PISD: variants seen among roughly 807,000 people sequenced by gnomAD.
PISD encodes the protein phosphatidylserine decarboxylase, also known as phosphatidylserine decarboxylase proenzyme, mitochondrial.
A neutral mutation model predicts 43.5 loss-of-function variants in PISD; 31 were observed. That is an observed-to-expected ratio of 0.71 (90% CI 0.54 to 0.96). The LOEUF (loss-of-function observed/expected upper bound fraction) is 0.96. Ranked by LOEUF, PISD falls within the 40% of genes least tolerant of loss-of-function variation. PISD has a pLI of 0.00. For missense variants in PISD, 523 were observed against 548.4 expected (o/e 0.95, Z 0.46); for synonymous variants, 259 against 228.7 (o/e 1.13, Z -1.20).
At chr22:31,658,184 C>G (rs1221530109) in intron 1 of PISD, among the ~76,000 whole-genome samples, 1 of 152,170 alleles carries the variant, frequency 6.6e-6, no homozygotes, top group Non-Finnish European at 1.5e-5. Flanking sequence ...TGGGTTCAAA[C>G]AGATGTCTCT....
chr22:31,626,634 A>G (rs1435463426), intron 3 of PISD, among the ~76,000 whole-genome samples: 1 of 152,242 alleles, frequency 6.6e-6, no homozygotes, highest in Non-Finnish European at 1.5e-5. Context: ...CCAGGACTGC[A>G]GCACAAACCA....
intron 3 of PISD, among the ~76,000 whole-genome samples, chr22:31,633,267 G>C (rs1283461731): frequency 6.6e-6 from 1 of 152,206 alleles, no homozygotes; most frequent in Non-Finnish European, 1.5e-5. Flanking sequence ...GTCTGTAGAG[G>C]AAAGACCAGC....
chr22:31,652,343 C>A (rs2074050719), intron 1 of PISD, among the ~76,000 whole-genome samples: 1 of 151,622 alleles, frequency 6.6e-6, no homozygotes, highest in Non-Finnish European at 1.5e-5. Flanking sequence ...GTTGGCCAGG[C>A]TGGCCTCAAA....
chr22:31,619,851 T>TG lies in PISD; in HGVS notation c.1006-16dup, dbSNP rs748734308. On this transcript the variant is annotated splice_polypyrimidine_tract_variant and intron_variant, in intron 7 of 7. Transcript: ENST00000439502. The stretch of plus-strand genomic sequence containing the variant: ...GTGTGCAGGTCCTGTGGTGATAGGC[T>TG]GGGGGTCAGTGGGGCCCAGGCCACC... 1.6e-5 allele frequency: 25 copies of TG among 1,563,308 alleles called. No homozygotes were observed. The highest frequency in any genetic ancestry group is 2.1e-5 in the Non-Finnish European group (24 of 1,138,226).
At chr22:31,628,228 G>A in intron 3 of PISD, 1 of 982,532 alleles carries the variant, frequency 1.0e-6, no homozygotes, top group Non-Finnish European at 1.2e-6. Flanking sequence ...ATGGAGAGAA[G>A]GGGCGCCTAG....
At chr22:31,636,328 T>G (rs1315325674) in intron 3 of PISD, among the ~76,000 whole-genome samples, 1 of 152,174 alleles carries the variant, frequency 6.6e-6, no homozygotes, top group Non-Finnish European at 1.5e-5. Context: ...GAAGCAGCGC[T>G]CAGACAGGAG....
At chr22:31,624,089 C>CGCCA (rs2072740269) in intron 3 of PISD, among the ~76,000 whole-genome samples, 1 of 152,230 alleles carries the variant, frequency 6.6e-6, no homozygotes, top group African/African-American at 2.4e-5. Context: ...CTCTCCCACC[C>CGCCA]GCCAGCCAGC....
At chr22:31,650,112 T>C (rs1207383079) in intron 2 of PISD, among the ~76,000 whole-genome samples, 1 of 152,160 alleles carries the variant, frequency 6.6e-6, no homozygotes, top group Non-Finnish European at 1.5e-5. Context: ...ACAACATTAT[T>C]AGTAATCAGG....
Position 31,653,053 on chromosome 22 carries a change from A to C in PISD, c.66-2275T>G, listed in dbSNP as rs920775832. Reference sequence around the variant, plus strand: ...GACCCTACCTTAAAAAAAAAAAAAAAAAAAAACCACACCCACCTTGCAGCA... The same window carrying C: ...GACCCTACCTTAAAAAAAAAAAAAACAAAAAACCACACCCACCTTGCAGCA... On this transcript the variant is annotated intron_variant, in intron 1 of 7. Transcript: ENST00000439502. Among the ~76,000 whole-genome samples the C allele has an allele frequency of 4.2e-4, 63 of 151,462 alleles. 1 individual carries two copies. The highest frequency in any genetic ancestry group is 1.1e-3 in the Admixed American group (17 of 15,198).
Position 31,621,898 on chromosome 22 carries a change from G to GGGCAAGGGGCTGAGTTGACCACAC in PISD, c.322-37_322-14dup. 1 of 1,591,950 alleles carries GGGCAAGGGGCTGAGTTGACCACAC rather than the reference G, an allele frequency of 6.3e-7. No homozygotes were observed. The highest frequency in any genetic ancestry group is 1.3e-5 in the African/African-American group (1 of 74,818). On this transcript the variant is annotated splice_polypyrimidine_tract_variant and intron_variant, in intron 3 of 7. Coordinates refer to ENST00000439502, the MANE Select transcript of PISD (RefSeq NM_001326411.2). ...TGTACAAAGCCACCTGCAGGCCACA[G>GGGCAAGGGGCTGAGTTGACCACAC]GGCAAGGGGCTGAGTTGACCACACT...
chr22:31,621,248 C>T (rs2072550290), intron 5 of PISD, 86 bp downstream of exon 5: 2 of 1,610,014 alleles, frequency 1.2e-6, no homozygotes, highest in East Asian at 2.2e-5. Flanking sequence ...ACATGCCAGC[C>T]TCAGTTCCTT....
intron 1 of PISD, among the ~76,000 whole-genome samples, chr22:31,652,443 T>C (rs561264486): frequency 1.2e-4 from 18 of 152,134 alleles, no homozygotes; most frequent in Non-Finnish European, 2.2e-4. Flanking sequence ...AGTTATGTCT[T>C]GTATAGATAT....
intron 3 of PISD, among the ~76,000 whole-genome samples, chr22:31,640,283 C>T (rs1227728651): frequency 6.6e-6 from 1 of 151,342 alleles, no homozygotes; most frequent in African/African-American, 2.4e-5. Flanking sequence ...ACTGCAACCT[C>T]TACCTCCTGG....
At chr22:31,655,274 A>C (rs180781249) in intron 1 of PISD, among the ~76,000 whole-genome samples, 32 of 151,906 alleles carry the variant, frequency 2.1e-4, no homozygotes, top group African/African-American at 7.5e-4. Flanking sequence ...AACAGGTCAA[A>C]AAAAGGTACC....
intron 1 of PISD, among the ~76,000 whole-genome samples, chr22:31,653,878 G>T (rs1039072519): frequency 6.6e-6 from 1 of 152,190 alleles, no homozygotes; most frequent in Non-Finnish European, 1.5e-5. Context: ...CAGCTACTCA[G>T]GAGGCTGAGG....
chr22:31,646,480 G>A (rs1299254918), intron 3 of PISD, among the ~76,000 whole-genome samples: 1 of 152,178 alleles, frequency 6.6e-6, no homozygotes, highest in African/African-American at 2.4e-5. Flanking sequence ...TACATAAACA[G>A]CAGATACTAA....
At chr22:31,633,304 G>A (rs986847502) in intron 3 of PISD, among the ~76,000 whole-genome samples, 1 of 152,208 alleles carries the variant, frequency 6.6e-6, no homozygotes, top group Non-Finnish European at 1.5e-5. Flanking sequence ...CCTCCCATGT[G>A]CTGAGAGATC....
At chr22:31,640,878 G>GTGTTTTT (rs2073687711) in intron 3 of PISD, among the ~76,000 whole-genome samples, 2 of 27,190 alleles carry the variant, frequency 7.4e-5, no homozygotes, top group East Asian at 1.0e-3. Context: ...ACCACACCCG[G>GTGTTTTT]TGTTTTTTTT....
chr22:31,651,025 G>T lies in PISD; in HGVS notation c.66-247C>A, dbSNP rs1601439071. Among the ~76,000 whole-genome samples the T allele has an allele frequency of 2.0e-5, 3 of 152,094 alleles. 1 individual carries two copies. The highest frequency in any genetic ancestry group is 2.0e-4 in the Admixed American group (3 of 15,254). On this transcript the variant is annotated intron_variant, in intron 1 of 7. Coordinates refer to ENST00000439502, the MANE Select transcript of PISD (RefSeq NM_001326411.2). ...GTCACCCAGGCTAGAGTGCAGTGCC[G>T]CAATCTTGGCTCACTCCAACCTCTG... is the stretch of plus-strand genomic sequence containing the variant.
Sources: gnomAD v4.1 joint callset for allele counts (sites outside exome capture counted in the v4.1 genomes callset) on GRCh38, gnomAD v4.1.1 for gene constraint, MANE v1.5 for transcripts, NCBI Gene and HGNC (gene_info 2026-07-23, HGNC 2026-07-21) for gene names.